The following CNTNAP2 variants were observed in gnomAD, a reference collection of about 807,000 sequenced individuals.
CNTNAP2 encodes contactin-associated protein-like 2.
CNTNAP2 carries 98 observed loss-of-function variants against 155.2 expected under a neutral mutation model. That is an observed-to-expected ratio of 0.63 (90% CI 0.54 to 0.75). The LOEUF (loss-of-function observed/expected upper bound fraction) is 0.75. CNTNAP2 is among the 30% of genes least tolerant of loss of function. The pLI, the probability that CNTNAP2 is intolerant of heterozygous loss-of-function variation, is 0.00. For synonymous variants in CNTNAP2, 651 were observed against 631.2 expected, an observed-to-expected ratio of 1.03 and a Z score of -0.47; for missense variants, 1,727 against 1,688.1, an observed-to-expected ratio of 1.02 and a Z score of -0.40.
At chr7:147,874,898 T>G (rs1033498257) in intron 13 of CNTNAP2, among the ~76,000 whole-genome samples, 1 of 152,202 alleles carries the variant, frequency 6.6e-6, no homozygotes, top group African/African-American at 2.4e-5. Flanking sequence ...GGCAAAATGC[T>G]GCCAGTCTCT....
chr7:147,559,877 A>G (rs1800025860), intron 11 of CNTNAP2, among the ~76,000 whole-genome samples: 2 of 152,022 alleles, frequency 1.3e-5, no homozygotes, highest in African/African-American at 2.4e-5. Context: ...AAAAAAAAAA[A>G]AAAACATTTG....
At chr7:147,896,519 G>A (rs1033610760) in intron 13 of CNTNAP2, among the ~76,000 whole-genome samples, 1 of 152,100 alleles carries the variant, frequency 6.6e-6, no homozygotes, top group South Asian at 2.1e-4. Flanking sequence ...GGCGGGTCGG[G>A]GGGAAGCCAG....
rs10225717 is a variant in CNTNAP2 at position 146,558,465 on chromosome 7, A to G, written c.98-215806A>G. 7.2e-3 allele frequency among the ~76,000 whole-genome samples: 1,102 copies of G among 152,248 alleles called. 11 individuals are homozygous for G. The highest frequency in any genetic ancestry group is 0.026 in the African/African-American group (1,060 of 41,552). The stretch of plus-strand genomic sequence containing the variant: ...GACATATAAAAACTTTACATATTTA[A>G]TGTATCCAACTCAACAAAGTTGGAG... On this transcript the variant is annotated intron_variant, in intron 1 of 23. Coordinates refer to ENST00000361727, the MANE Select transcript of CNTNAP2 (RefSeq NM_014141.6).
At chr7:147,849,458 G>C (rs1353534075) in intron 13 of CNTNAP2, among the ~76,000 whole-genome samples, 1 of 152,180 alleles carries the variant, frequency 6.6e-6, no homozygotes, top group African/African-American at 2.4e-5. Context: ...ACTCCAGACT[G>C]TCCTCATCTG....
chr7:148,254,350 G>A (rs534766702), intron 20 of CNTNAP2, among the ~76,000 whole-genome samples: 2 of 152,058 alleles, frequency 1.3e-5, no homozygotes, highest in Admixed American at 6.6e-5. Flanking sequence ...ATCAAACCCC[G>A]AAAACGTGCT....
chr7:146,251,410 G>A (rs1182908793), intron 1 of CNTNAP2, among the ~76,000 whole-genome samples: 1 of 152,098 alleles, frequency 6.6e-6, no homozygotes, highest in African/African-American at 2.4e-5. Flanking sequence ...CAGATATGCT[G>A]TCAAAATGTG....
rs75712323 is a variant in CNTNAP2 at position 147,947,897 on chromosome 7, C to G, written c.2256-29965C>G. Reference sequence around the variant, plus strand: ...ATGATTTATTTACCTTAAAAATAAACTTGGATTCATTTGATCTTCATAATC... The same window carrying G: ...ATGATTTATTTACCTTAAAAATAAAGTTGGATTCATTTGATCTTCATAATC... On this transcript the variant is annotated intron_variant, in intron 14 of 23. Transcript: ENST00000361727. Among the ~76,000 whole-genome samples the G allele has an allele frequency of 6.6e-5, 10 of 152,146 alleles. 1 individual carries two copies. In the East Asian group the frequency reaches 1.7e-3, roughly 26 times the overall value.
chr7:148,268,252 C>T (rs557087808), intron 21 of CNTNAP2, among the ~76,000 whole-genome samples: 1 of 152,134 alleles, frequency 6.6e-6, no homozygotes, highest in South Asian at 2.1e-4. Flanking sequence ...GGTCACTCGG[C>T]GGCCAGTGTG....
intron 9 of CNTNAP2, among the ~76,000 whole-genome samples, chr7:147,365,620 A>AT (rs1188351928): frequency 1.3e-5 from 2 of 152,124 alleles, no homozygotes; most frequent in East Asian, 3.8e-4. Context: ...ATGTCAAAAC[A>AT]TTATCAGTCT....
At chr7:146,300,496 A>G (rs1800588890) in intron 1 of CNTNAP2, among the ~76,000 whole-genome samples, 1 of 152,106 alleles carries the variant, frequency 6.6e-6, no homozygotes, top group African/African-American at 2.4e-5. Flanking sequence ...ATTGAAGAAC[A>G]GCTTACTAAA....
chr7:148,068,005 C>T (rs765841501), intron 15 of CNTNAP2, among the ~76,000 whole-genome samples: 25 of 152,260 alleles, frequency 1.6e-4, no homozygotes, highest in African/African-American at 4.3e-4. Context: ...TGCACCCCAC[C>T]GATAGCACTG....
rs762720427 is a variant in CNTNAP2 at position 147,121,169 on chromosome 7, T to C, written c.939+6T>C. On this transcript the variant is annotated splice_donor_region_variant and intron_variant, in intron 6 of 23. Coordinates refer to ENST00000361727, the MANE Select transcript of CNTNAP2 (RefSeq NM_014141.6). ...ACCTGGACTTGGACTATGAGGTACA[T>C]GTGATGACGTAGAAATTGTAATAAA... 6.2e-7 allele frequency: 1 copy of C among 1,613,696 alleles called. No individual in the cohort carries two copies. Among genetic ancestry groups the C allele is most frequent in the South Asian group, 1.1e-5 (1 of 91,044 alleles).
At chr7:146,724,561 CTTTTTTTTTTTTTTT>C (rs1000613503) in intron 1 of CNTNAP2, among the ~76,000 whole-genome samples, 1 of 65,622 alleles carries the variant, frequency 1.5e-5, no homozygotes, top group African/African-American at 6.9e-5. Context: ...TAAATCTAAA[CTTTTTTTTTTTTTTT>C]TTTTTTTTTT....
chr7:146,132,586 C>A (rs527391937), intron 1 of CNTNAP2, among the ~76,000 whole-genome samples: 64 of 122,968 alleles, frequency 5.2e-4, no homozygotes, highest in African/African-American at 2.0e-3. Context: ...CCACAACAGT[C>A]CCCAGAGTGT....
At chr7:146,161,821 C>T (rs1281630434) in intron 1 of CNTNAP2, among the ~76,000 whole-genome samples, 1 of 152,092 alleles carries the variant, frequency 6.6e-6, no homozygotes, top group Non-Finnish European at 1.5e-5. Context: ...GAGATATAGA[C>T]CAATGGAACA....
At chr7:147,841,224 C>T (rs568279438) in intron 13 of CNTNAP2, among the ~76,000 whole-genome samples, 1 of 152,114 alleles carries the variant, frequency 6.6e-6, no homozygotes, top group African/African-American at 2.4e-5. Context: ...TTTCTGAGTC[C>T]ACATAATGAT....
chr7:146,986,431 T>G (rs987776227), intron 3 of CNTNAP2, among the ~76,000 whole-genome samples: 6 of 152,222 alleles, frequency 3.9e-5, no homozygotes, highest in Admixed American at 3.3e-4. Context: ...TGGTTCCATA[T>G]TTTTGCAATT....
At chr7:147,522,926 C>A (rs1186718821) in intron 11 of CNTNAP2, among the ~76,000 whole-genome samples, 2 of 152,042 alleles carry the variant, frequency 1.3e-5, no homozygotes, top group Admixed American at 6.6e-5. Context: ...TGTAAACCAA[C>A]ACAATCAAAT....
chr7:148,237,940 A>G (rs952474841), intron 20 of CNTNAP2, among the ~76,000 whole-genome samples: 1 of 152,216 alleles, frequency 6.6e-6, no homozygotes, highest in Non-Finnish European at 1.5e-5. Context: ...CATGTTAGGT[A>G]GTGCTCAAAG....
Sources: gnomAD v4.1 joint callset for allele counts (sites outside exome capture counted in the v4.1 genomes callset) on GRCh38, gnomAD v4.1.1 for gene constraint, MANE v1.5 for transcripts, NCBI Gene and HGNC (gene_info 2026-07-23, HGNC 2026-07-21) for gene names.